INPP4A: variants seen among roughly 807,000 people sequenced by gnomAD.
The protein encoded by INPP4A is inositol polyphosphate-4-phosphatase, type I, 107kD.
A neutral mutation model predicts 119.8 loss-of-function variants in INPP4A; 33 were observed. The ratio of observed to expected loss-of-function variants is 0.28; its 90% CI spans 0.21 to 0.37. The LOEUF (loss-of-function observed/expected upper bound fraction) is 0.37. Ranked by LOEUF, INPP4A falls within the 10% of genes least tolerant of loss-of-function variation. The pLI, the probability that INPP4A is intolerant of heterozygous loss-of-function variation, is 1.00. For synonymous variants in INPP4A, 496 were observed against 500.7 expected (o/e 0.99, Z 0.12); for missense variants, 956 against 1,289.9 (o/e 0.74, Z 3.97).
chr2:98,590,273 AACAT>A lies in INPP4A; in HGVS notation c.*2666_*2669del. ...CTCGGGTGCTGAATACATGTTTGTA[AACAT>A]GGGACCATGGGAGACTTCCATTTTA... is the stretch of plus-strand genomic sequence containing the variant. On this transcript the variant is annotated 3_prime_UTR_variant, in exon 25 of 25. Transcript: ENST00000409851. 1 of 199,900 alleles carries A rather than the reference AACAT, an allele frequency of 5.0e-6. No individual in the cohort carries two copies. The highest frequency in any genetic ancestry group is 1.0e-5 in the Non-Finnish European group (1 of 96,900). 12.4% of individuals were successfully genotyped at this position (199,900 alleles called of 1,614,324 possible).
At position 98,546,582 on chromosome 2, in the gene INPP4A, T is replaced by A. The variant is rs1692521282; in HGVS notation, c.1055-4T>A. 2 of 1,605,062 alleles carry A rather than the reference T, an allele frequency of 1.2e-6. No homozygotes were observed. The highest frequency in any genetic ancestry group is 1.7e-6 in the Non-Finnish European group (2 of 1,172,026). ...GTAATGGAGGAGAGCTTTCTGTCAT[T>A]CAGATCAGAACTACGACATCGTCAC... On this transcript the variant is annotated splice_polypyrimidine_tract_variant and splice_region_variant and intron_variant, in intron 12 of 24. Transcript: ENST00000409851. The surrounding 1 kb of genome is among the most constrained non-coding windows in gnomAD (Gnocchi z 4.2).
At chr2:98,524,567 C>T (rs1687841912) in intron 4 of INPP4A, among the ~76,000 whole-genome samples, 1 of 152,160 alleles carries the variant, frequency 6.6e-6, no homozygotes, top group Admixed American at 6.5e-5. Flanking sequence ...TGGCCACCTG[C>T]TGTACCTTAC....
Position 98,591,220 on chromosome 2 carries a change from G to A in INPP4A, c.*3612G>A. The A allele has an allele frequency of 5.7e-6, 1 of 176,058 alleles. No individual in the cohort carries two copies. Among genetic ancestry groups the A allele is most frequent in the Non-Finnish European group, 1.2e-5 (1 of 81,862 alleles). 10.9% of individuals were successfully genotyped at this position (176,058 alleles called of 1,614,324 possible). On this transcript the variant is annotated 3_prime_UTR_variant, in exon 25 of 25. Coordinates refer to ENST00000409851, the MANE Select transcript of INPP4A (RefSeq NM_001134225.2). ...GGACAGCCATGTCCTTGTGGGCATG[G>A]TGGTGTGGCTGCGTGCCCACGACGA... is the stretch of plus-strand genomic sequence containing the variant.
At chr2:98,583,363 G>A (rs1439711346) in intron 24 of INPP4A, among the ~76,000 whole-genome samples, 1 of 152,116 alleles carries the variant, frequency 6.6e-6, no homozygotes, top group African/African-American at 2.4e-5. Context: ...GGGCAGTTGC[G>A]GTGGATGGAG....
intron 24 of INPP4A, among the ~76,000 whole-genome samples, chr2:98,583,071 C>T (rs1211690778): frequency 6.6e-6 from 1 of 151,956 alleles, no homozygotes; most frequent in East Asian, 1.9e-4. Flanking sequence ...CTACTGCATA[C>T]GCCAGACACA....
At chr2:98,568,820 A>G (rs1575125446) in intron 22 of INPP4A, 152 bp downstream of exon 22, 1 of 600,468 alleles carries the variant, frequency 1.7e-6, no homozygotes, top group East Asian at 2.8e-5. Flanking sequence ...ACGCAGAGAG[A>G]GAGAGAGAAG....
At chr2:98,534,286 C>T (rs1313914030) in intron 5 of INPP4A, among the ~76,000 whole-genome samples, 1 of 152,194 alleles carries the variant, frequency 6.6e-6, no homozygotes, top group African/African-American at 2.4e-5. Context: ...AGTCCCTGCC[C>T]TGAGGAATTG....
intron 1 of INPP4A, among the ~76,000 whole-genome samples, chr2:98,507,376 T>C (rs1050637726): frequency 2.0e-5 from 3 of 152,246 alleles, no homozygotes; most frequent in Non-Finnish European, 2.9e-5. Context: ...TCTGATACAA[T>C]GTAAAGCCAT....
intron 1 of INPP4A, among the ~76,000 whole-genome samples, chr2:98,448,728 T>TAA (rs550811204): frequency 2.8e-5 from 4 of 142,054 alleles, no homozygotes; most frequent in Admixed American, 7.1e-5. Context: ...TTTTTTTTTT[T>TAA]AAAGAGACAA....
chr2:98,453,197 A>C lies in INPP4A; in HGVS notation c.-166+8112A>C, dbSNP rs551276000. Among the ~76,000 whole-genome samples the C allele has an allele frequency of 4.6e-5, 7 of 152,362 alleles. No homozygotes were observed. The East Asian group carries it at 1.3e-3, about 29-fold the overall frequency. On this transcript the variant is annotated intron_variant, in intron 1 of 24. Coordinates refer to ENST00000409851, the MANE Select transcript of INPP4A (RefSeq NM_001134225.2). ...TCTGGGTTTTCAGCTTTAAAGATTC[A>C]TCTTAATACATAAAAATAACGTTTA...
chr2:98,490,220 C>T (rs988490338), intron 1 of INPP4A, among the ~76,000 whole-genome samples: 4 of 152,000 alleles, frequency 2.6e-5, no homozygotes, highest in East Asian at 3.9e-4. Flanking sequence ...TGGAGAAGAC[C>T]GGGGGCAGAG....
At position 98,495,708 on chromosome 2, in the gene INPP4A, T is replaced by C. The variant is rs547691790; in HGVS notation, c.-165-23256T>C. Among the ~76,000 whole-genome samples the C allele has an allele frequency of 1.6e-4, 24 of 152,330 alleles. No individual in the cohort carries two copies. In the East Asian group the frequency reaches 4.4e-3, roughly 28 times the overall value. On this transcript the variant is annotated intron_variant, in intron 1 of 24. Transcript: ENST00000409851. ...GTTATTACCTGAAGACCTGGAATCA[T>C]AGAAGGGATTGTTTGGGTTAAGATA...
At chr2:98,507,389 A>G (rs528262502) in intron 1 of INPP4A, among the ~76,000 whole-genome samples, 13 of 152,370 alleles carry the variant, frequency 8.5e-5, no homozygotes, top group African/African-American at 2.9e-4. Context: ...AAAGCCATCT[A>G]GTTAACATGA....
chr2:98,517,173 C>T (rs1004545289), intron 1 of INPP4A, among the ~76,000 whole-genome samples: 2 of 152,174 alleles, frequency 1.3e-5, no homozygotes, highest in African/African-American at 2.4e-5. Context: ...GCTTGAACTT[C>T]GTATGAATGG....
At chr2:98,529,528 G>A (rs979465711) in intron 4 of INPP4A, among the ~76,000 whole-genome samples, 3 of 152,174 alleles carry the variant, frequency 2.0e-5, no homozygotes, top group East Asian at 1.9e-4. Flanking sequence ...GAGGTCAGGA[G>A]ATCCAGACCA....
At chr2:98,567,357 A>C (rs1696647425) in intron 21 of INPP4A, among the ~76,000 whole-genome samples, 1 of 152,182 alleles carries the variant, frequency 6.6e-6, no homozygotes, top group Non-Finnish European at 1.5e-5. Flanking sequence ...TGAGCTCATA[A>C]ACTGGCAGGA....
intron 4 of INPP4A, among the ~76,000 whole-genome samples, chr2:98,524,428 C>G (rs1486752378): frequency 6.6e-6 from 1 of 152,086 alleles, no homozygotes; most frequent in Non-Finnish European, 1.5e-5. Flanking sequence ...GGAATCAAAC[C>G]CTGGTTGAAA....
chr2:98,508,517 G>A (rs937689833), intron 1 of INPP4A, among the ~76,000 whole-genome samples: 1 of 152,216 alleles, frequency 6.6e-6, no homozygotes, highest in Non-Finnish European at 1.5e-5. Flanking sequence ...GGGGAAGCCC[G>A]TGTCCTTATC....
At chr2:98,555,110 G>A (rs572992948) in intron 15 of INPP4A, among the ~76,000 whole-genome samples, 3 of 152,298 alleles carry the variant, frequency 2.0e-5, no homozygotes, top group South Asian at 2.1e-4. Flanking sequence ...TACACTGTGC[G>A]TGTTTCTGCA....
Sources: allele counts gnomAD v4.1 joint callset (sites outside exome capture counted in the v4.1 genomes callset), GRCh38; gene constraint gnomAD v4.1.1; non-coding constraint Gnocchi (gnomAD v3.1); transcripts MANE v1.5; gene names NCBI Gene and HGNC (gene_info 2026-07-23, HGNC 2026-07-21).